Variants in RIMS3 observed in about 807,000 individuals in gnomAD.
RIMS3 encodes regulating synaptic membrane exocytosis protein 3.
RIMS3 carries 15 observed loss-of-function variants against 29.2 expected under a neutral mutation model. That is an observed-to-expected ratio of 0.51 (90% CI 0.34 to 0.79). The LOEUF (loss-of-function observed/expected upper bound fraction) is 0.79. RIMS3 is among the 30% of genes least tolerant of loss of function. The probability of loss-of-function intolerance (pLI) is 0.01; values close to 1 mark genes in which losing one functional copy is unlikely to be tolerated. For synonymous variants in RIMS3, 161 were observed against 170.1 expected, an observed-to-expected ratio of 0.95 and a Z score of 0.41; for missense variants, 342 against 421.4, an observed-to-expected ratio of 0.81 and a Z score of 1.65.
chr1:40,687,201 C>G, the RIMS3 span, among the ~76,000 whole-genome samples: 1 of 152,070 alleles, frequency 6.6e-6, no homozygotes. Context: ...GAGAATAGGG[C>G]GTAAGCGTTT....
intron 1 of RIMS3, among the ~76,000 whole-genome samples, chr1:40,648,181 T>A (rs1181572807): frequency 6.6e-6 from 1 of 152,152 alleles, no homozygotes; most frequent in East Asian, 1.9e-4. Flanking sequence ...GGGGTCTGTG[T>A]CCCTCCCCAG....
At chr1:40,665,809 G>A (rs1230344185), upstream of RIMS3, among the ~76,000 whole-genome samples, 2 of 152,222 alleles carry the variant, frequency 1.3e-5, no homozygotes, top group Non-Finnish European at 2.9e-5. Flanking sequence ...GGGGAGTTTG[G>A]CTTGCCGGGT....
the RIMS3 span, among the ~76,000 whole-genome samples, chr1:40,682,451 G>A: frequency 3.9e-5 from 6 of 152,046 alleles, no homozygotes; most frequent in Non-Finnish European, 8.8e-5. Context: ...CCCCGTGACT[G>A]ACCATGGTTC....
intron 1 of RIMS3, among the ~76,000 whole-genome samples, chr1:40,660,620 T>G (rs894991399): frequency 7.9e-5 from 12 of 151,912 alleles, no homozygotes; most frequent in African/African-American, 2.9e-4. Flanking sequence ...GCTCAAGTGA[T>G]CCGCCTGCCC....
At chr1:40,659,968 C>T (rs1181157478) in intron 1 of RIMS3, among the ~76,000 whole-genome samples, 2 of 152,150 alleles carry the variant, frequency 1.3e-5, no homozygotes, top group Admixed American at 6.5e-5. Flanking sequence ...CACAATCCAA[C>T]GTTTATCCTA....
intron 2 of RIMS3, among the ~76,000 whole-genome samples, chr1:40,647,123 C>A (rs1035119001): frequency 6.6e-6 from 1 of 152,124 alleles, no homozygotes; most frequent in Non-Finnish European, 1.5e-5. Context: ...TCGTGATCTG[C>A]CCACCTCGGC....
chr1:40,668,488 G>A (rs1174505453), upstream of RIMS3, among the ~76,000 whole-genome samples: 1 of 85,474 alleles, frequency 1.2e-5, no homozygotes, highest in Non-Finnish European at 2.4e-5. Flanking sequence ...AGGGGGTTGT[G>A]GGCGGGGGGG....
At chr1:40,682,113 C>T in the RIMS3 span, among the ~76,000 whole-genome samples, 2 of 152,212 alleles carry the variant, frequency 1.3e-5, no homozygotes, top group African/African-American at 4.8e-5. Flanking sequence ...GGATTACAGG[C>T]ATGAGCCACC....
chr1:40,622,175 C>T lies in RIMS3; in HGVS notation c.*4342G>A, dbSNP rs1570163145. ...CAACATCTGAGCCACGTTTGTGCAA[C>T]TCAGCCATCAGAGTTGGTGCCCAAG... On this transcript the variant is annotated 3_prime_UTR_variant, in exon 8 of 8. Transcript: ENST00000372684. The T allele has an allele frequency of 6.5e-6, 1 of 152,676 alleles. No individual in the cohort carries two copies. Among genetic ancestry groups the T allele is most frequent in the East Asian group, 1.9e-4 (1 of 5,186 alleles). The allele number at this position is 152,676 out of a possible 1,614,324, so 9.5% of individuals were successfully genotyped here.
intron 7 of RIMS3, among the ~76,000 whole-genome samples, 178 bp from the exon 8 acceptor site, chr1:40,626,907 G>A (rs1327305973): frequency 1.3e-5 from 2 of 152,202 alleles, no homozygotes; most frequent in African/African-American, 2.4e-5. Context: ...ACGATCCTAT[G>A]GATTTTACCT....
the RIMS3 span, among the ~76,000 whole-genome samples, chr1:40,686,559 C>T: frequency 1.3e-5 from 2 of 151,520 alleles, no homozygotes; most frequent in African/African-American, 2.4e-5. Flanking sequence ...CGGGAGGCTG[C>T]GGCAGGAGAA....
intron 4 of RIMS3, among the ~76,000 whole-genome samples, chr1:40,633,484 G>A (rs750264434): frequency 6.6e-6 from 1 of 152,264 alleles, no homozygotes; most frequent in African/African-American, 2.4e-5. Flanking sequence ...GGCAGGGCTT[G>A]CTGGACACCT....
chr1:40,687,954 T>C, the RIMS3 span, among the ~76,000 whole-genome samples: 1 of 152,198 alleles, frequency 6.6e-6, no homozygotes, highest in African/African-American at 2.4e-5. Flanking sequence ...ACATGAACTA[T>C]ATCTTTTAGT....
At chr1:40,650,912 C>G (rs1646628356) in intron 1 of RIMS3, among the ~76,000 whole-genome samples, 1 of 142,766 alleles carries the variant, frequency 7.0e-6, no homozygotes. Context: ...GCCACTTTGT[C>G]TCCTGTCTGC....
At chr1:40,687,672 T>C in the RIMS3 span, 3 of 151,556 alleles carry the variant, frequency 2.0e-5, no homozygotes, top group Non-Finnish European at 2.9e-5. Flanking sequence ...TACCACTCAC[T>C]TCCCGTATCA....
At chr1:40,682,639 G>T in the RIMS3 span, among the ~76,000 whole-genome samples, 1 of 151,568 alleles carries the variant, frequency 6.6e-6, no homozygotes, top group African/African-American at 2.4e-5. Flanking sequence ...ATGGATAGCT[G>T]GTTTGGATTT....
the RIMS3 span, among the ~76,000 whole-genome samples, chr1:40,673,627 CAGTGA>C: frequency 2.9e-4 from 44 of 152,334 alleles, no homozygotes; most frequent in African/African-American, 1.0e-3. Context: ...CCTCTGTTTA[CAGTGA>C]GCCTTGCCAA....
the RIMS3 span, chr1:40,691,485 G>C: frequency 7.2e-5 from 22 of 305,664 alleles, no homozygotes; most frequent in South Asian, 4.5e-4. Context: ...GGAGGTCACT[G>C]GGCAGCGCCT....
intron 1 of RIMS3, among the ~76,000 whole-genome samples, chr1:40,657,473 T>C (rs1570200861): frequency 6.6e-6 from 1 of 152,216 alleles, no homozygotes; most frequent in East Asian, 1.9e-4. Flanking sequence ...AGACTGGGTG[T>C]CGTGAATCAC....
Sources: allele counts gnomAD v4.1 joint callset (sites outside exome capture counted in the v4.1 genomes callset), GRCh38; gene constraint gnomAD v4.1.1; transcripts MANE v1.5; gene names NCBI Gene and HGNC (gene_info 2026-07-23, HGNC 2026-07-21).